The following ADAMTS17 variants were observed in gnomAD, a reference collection of about 807,000 sequenced individuals.
ADAMTS17 encodes the protein ADAM metallopeptidase with thrombospondin type 1 motif 17, also known as A disintegrin and metalloproteinase with thrombospondin motifs 17.
In ADAMTS17, 113 loss-of-function variants were observed where a neutral mutation model predicts 141.5. The ratio of observed to expected loss-of-function variants is 0.80; its 90% CI spans 0.69 to 0.93. The LOEUF (loss-of-function observed/expected upper bound fraction) is 0.93, where lower values mean the gene tolerates loss of function less well. Among genes scored for constraint, ADAMTS17 ranks in the 40% least tolerant of loss-of-function variants. The pLI is 0.00. For missense variants in ADAMTS17, 1,659 were observed against 1,517.9 expected, an observed-to-expected ratio of 1.09 and a Z score of -1.54; for synonymous variants, 768 against 630.6, an observed-to-expected ratio of 1.22 and a Z score of -3.27.
chr15:100,255,369 T>C (rs1256352271), intron 6 of ADAMTS17, among the ~76,000 whole-genome samples: 2 of 152,134 alleles, frequency 1.3e-5, no homozygotes, highest in Non-Finnish European at 2.9e-5. Context: ...ACACTTTTCA[T>C]AACCTCACTC....
chr15:100,141,677 G>C (rs2038660957), intron 10 of ADAMTS17, among the ~76,000 whole-genome samples: 1 of 152,194 alleles, frequency 6.6e-6, no homozygotes, highest in African/African-American at 2.4e-5. Flanking sequence ...GGGGCTGCCG[G>C]GTGAGGGTGG....
intron 4 of ADAMTS17, among the ~76,000 whole-genome samples, chr15:100,279,244 G>C (rs1262802573): frequency 1.3e-5 from 2 of 152,194 alleles, no homozygotes; most frequent in Non-Finnish European, 1.5e-5. Flanking sequence ...CGCACTCTGA[G>C]CCCCTCCCTT....
intron 7 of ADAMTS17, among the ~76,000 whole-genome samples, chr15:100,248,450 C>T (rs1195988431): frequency 6.6e-6 from 1 of 152,172 alleles, no homozygotes; most frequent in African/African-American, 2.4e-5. Context: ...AAGAGGAACG[C>T]AAAGGGCAGG....
At chr15:100,125,621 C>G (rs1039948824) in intron 12 of ADAMTS17, among the ~76,000 whole-genome samples, 6 of 152,168 alleles carry the variant, frequency 3.9e-5, no homozygotes, top group African/African-American at 1.4e-4. Flanking sequence ...CTCTTCCCCA[C>G]ACACAAACTG....
In ADAMTS17 at chr15:99,971,529, A is replaced by G. The variant is rs2060202897; in HGVS notation, c.*2873T>C. The stretch of plus-strand genomic sequence containing the variant: ...TAATTTTCATGTATAATGGCGTCCA[A>G]TGTTTGTCTTCCGTTTTTTTTCCTT... On this transcript the variant is annotated 3_prime_UTR_variant, in exon 22 of 22. Coordinates refer to ENST00000268070, the MANE Select transcript of ADAMTS17 (RefSeq NM_139057.4). The G allele has an allele frequency of 6.6e-6, 1 of 152,234 alleles. No individual in the cohort carries two copies. The highest frequency in any genetic ancestry group is 2.4e-5 in the African/African-American group (1 of 41,462). The allele number at this position is 152,234 out of a possible 1,614,324, so 9.4% of individuals were successfully genotyped here.
chr15:100,181,550 G>C (rs976881113), intron 8 of ADAMTS17, among the ~76,000 whole-genome samples: 10 of 152,210 alleles, frequency 6.6e-5, no homozygotes, highest in Non-Finnish European at 8.8e-5. Context: ...GCCAGGACTG[G>C]GTGCTTCCCT....
At chr15:100,317,619 T>C (rs78515115) in intron 3 of ADAMTS17, among the ~76,000 whole-genome samples, 16,016 of 152,202 alleles carry the variant, frequency 0.11, 915 homozygotes, top group Non-Finnish European at 0.11. Context: ...GCGAGGTGTG[T>C]GGCCCCAGGG....
At chr15:100,123,320 C>T (rs1392307880) in intron 12 of ADAMTS17, among the ~76,000 whole-genome samples, 1 of 152,194 alleles carries the variant, frequency 6.6e-6, no homozygotes, top group Non-Finnish European at 1.5e-5. Flanking sequence ...ACTAAAACGA[C>T]AGAAAGACAG....
At chr15:100,296,599 G>GTGTGTA (rs1567503851) in intron 3 of ADAMTS17, among the ~76,000 whole-genome samples, 2 of 151,798 alleles carry the variant, frequency 1.3e-5, no homozygotes, top group African/African-American at 4.8e-5. Flanking sequence ...GTGTGTGTGT[G>GTGTGTA]TGTGTATGTG....
chr15:100,068,373 A>G (rs1446643420), intron 15 of ADAMTS17, among the ~76,000 whole-genome samples: 1 of 152,226 alleles, frequency 6.6e-6, no homozygotes, highest in Non-Finnish European at 1.5e-5. Context: ...GCAGACTTAA[A>G]TGTCCCTTTC....
intron 8 of ADAMTS17, among the ~76,000 whole-genome samples, chr15:100,167,623 G>C (rs193063516): frequency 1.1e-4 from 16 of 152,300 alleles, no homozygotes; most frequent in African/African-American, 3.6e-4. Context: ...GGGGACCCCC[G>C]AGGCACCTTC....
At chr15:100,270,401 T>C (rs1279944925) in intron 4 of ADAMTS17, among the ~76,000 whole-genome samples, 1 of 152,206 alleles carries the variant, frequency 6.6e-6, no homozygotes, top group Non-Finnish European at 1.5e-5. Flanking sequence ...AAGTGTATTA[T>C]TATATTTATG....
At chr15:99,984,983 T>C (rs554283327) in intron 20 of ADAMTS17, among the ~76,000 whole-genome samples, 1 of 152,342 alleles carries the variant, frequency 6.6e-6, no homozygotes, top group East Asian at 1.9e-4. Context: ...CTTTGGACCA[T>C]TCGGCATGGC....
At chr15:100,153,943 G>A (rs1291467756) in intron 9 of ADAMTS17, among the ~76,000 whole-genome samples, 1 of 152,216 alleles carries the variant, frequency 6.6e-6, no homozygotes, top group Non-Finnish European at 1.5e-5. Flanking sequence ...CACTTTGGGA[G>A]GCCGAGGCAG....
chr15:100,168,890 G>C (rs988724614), intron 8 of ADAMTS17, among the ~76,000 whole-genome samples: 3 of 152,204 alleles, frequency 2.0e-5, no homozygotes, highest in Non-Finnish European at 4.4e-5. Context: ...CCCTGATTCA[G>C]AGGACCCTCC....
intron 8 of ADAMTS17, 143 bp from the exon 9 acceptor site, chr15:100,155,463 C>A: frequency 2.6e-6 from 3 of 1,153,272 alleles, no homozygotes; most frequent in Non-Finnish European, 2.5e-6. Context: ...CACAGCAGAC[C>A]CACAGTCATG....
At chr15:100,146,071 G>A in intron 10 of ADAMTS17, among the ~76,000 whole-genome samples, 1 of 152,328 alleles carries the variant, frequency 6.6e-6, no homozygotes, top group African/African-American at 2.4e-5. Context: ...TACTCGGGAG[G>A]CTGAGACAGG....
At chr15:100,094,944 G>A (rs537817322) in intron 15 of ADAMTS17, among the ~76,000 whole-genome samples, 2 of 152,340 alleles carry the variant, frequency 1.3e-5, no homozygotes, top group South Asian at 4.1e-4. Context: ...GGAATGCTGG[G>A]AATATTGTCT....
At chr15:100,072,430 A>G (rs1253850350) in intron 15 of ADAMTS17, among the ~76,000 whole-genome samples, 2 of 141,320 alleles carry the variant, frequency 1.4e-5, no homozygotes, top group Non-Finnish European at 3.1e-5. Flanking sequence ...TGGAACCAAA[A>G]AAGAGCCCGC....
Sources: gnomAD v4.1 joint callset for allele counts (sites outside exome capture counted in the v4.1 genomes callset) on GRCh38, gnomAD v4.1.1 for gene constraint, MANE v1.5 for transcripts, NCBI Gene and HGNC (gene_info 2026-07-23, HGNC 2026-07-21) for gene names.